The following C7orf78 variants were observed in gnomAD, a reference collection of about 807,000 sequenced individuals.
C7orf78 encodes the protein putative uncharacterized protein C7orf78.
At chr7:12,499,277 G>A in the C7orf78 span, among the ~76,000 whole-genome samples, 10 of 152,172 alleles carry the variant, frequency 6.6e-5, no homozygotes, top group South Asian at 1.9e-3. Context: ...CCAATTAAAA[G>A]ACACAGACTG....
chr7:12,500,718 C>T, the C7orf78 span, among the ~76,000 whole-genome samples: 11 of 151,938 alleles, frequency 7.2e-5, no homozygotes, highest in South Asian at 2.1e-4. Context: ...GAATCCTCCC[C>T]AACTCATTTT....
the C7orf78 span, among the ~76,000 whole-genome samples, chr7:12,486,263 A>G: frequency 6.6e-6 from 1 of 152,086 alleles, no homozygotes; most frequent in Non-Finnish European, 1.5e-5. Context: ...TAGCATTAAA[A>G]TTTGTATGAG....
At chr7:12,524,190 A>T in the C7orf78 span, among the ~76,000 whole-genome samples, 1 of 152,186 alleles carries the variant, frequency 6.6e-6, no homozygotes. Flanking sequence ...TAGACAAGAT[A>T]CTAAGCCTTT....
At chr7:12,529,307 G>T in the C7orf78 span, among the ~76,000 whole-genome samples, 1 of 152,110 alleles carries the variant, frequency 6.6e-6, no homozygotes, top group African/African-American at 2.4e-5. Context: ...TTAAAAGCAT[G>T]GCTTCTGAGA....
chr7:12,523,216 TAAGGAAGAAAA>T, the C7orf78 span: 1 of 394,448 alleles, frequency 2.5e-6, no homozygotes, highest in Non-Finnish European at 4.4e-6. Flanking sequence ...CAAAACCAAT[TAAGGAAGAAAA>T]AAGGAGGAAA....
the C7orf78 span, among the ~76,000 whole-genome samples, chr7:12,497,454 AAG>A: frequency 1.3e-4 from 17 of 127,784 alleles, no homozygotes; most frequent in African/African-American, 5.0e-4. Flanking sequence ...TAATCAAAGA[AAG>A]GGGTGACGGA....
At chr7:12,493,284 A>C in the C7orf78 span, among the ~76,000 whole-genome samples, 3 of 152,248 alleles carry the variant, frequency 2.0e-5, no homozygotes, top group African/African-American at 2.4e-5. Flanking sequence ...ATTGCTATTA[A>C]AGTAGATTAA....
At chr7:12,493,814 G>C in the C7orf78 span, among the ~76,000 whole-genome samples, 1 of 152,158 alleles carries the variant, frequency 6.6e-6, no homozygotes, top group East Asian at 1.9e-4. Context: ...AACAGTGCCT[G>C]GTCCACAGCA....
chr7:12,502,556 T>G, the C7orf78 span, among the ~76,000 whole-genome samples: 1 of 149,728 alleles, frequency 6.7e-6, no homozygotes, highest in Non-Finnish European at 1.5e-5. Context: ...CCAGTTAGAA[T>G]GGCAATCATT....
the C7orf78 span, among the ~76,000 whole-genome samples, chr7:12,522,318 T>C: frequency 2.6e-5 from 4 of 152,112 alleles, no homozygotes; most frequent in Non-Finnish European, 5.9e-5. Flanking sequence ...CAGTAACATA[T>C]TGATAATGTC....
chr7:12,530,737 G>A, the C7orf78 span, among the ~76,000 whole-genome samples: 2 of 152,092 alleles, frequency 1.3e-5, no homozygotes, highest in African/African-American at 2.4e-5. Flanking sequence ...TGGAAATCAC[G>A]AGAAGTTTAG....
At chr7:12,516,335 G>T in the C7orf78 span, among the ~76,000 whole-genome samples, 1 of 152,186 alleles carries the variant, frequency 6.6e-6, no homozygotes, top group African/African-American at 2.4e-5. Context: ...CAAGAACTGG[G>T]GTTTGGGAAC....
chr7:12,488,060 G>T, the C7orf78 span, among the ~76,000 whole-genome samples: 1 of 152,048 alleles, frequency 6.6e-6, no homozygotes, highest in African/African-American at 2.4e-5. Flanking sequence ...CAATTCTCAA[G>T]TATCATGTGA....
chr7:12,525,024 C>CT, the C7orf78 span, among the ~76,000 whole-genome samples: 1 of 152,044 alleles, frequency 6.6e-6, no homozygotes, highest in East Asian at 1.9e-4. Flanking sequence ...TCAGTGAAGG[C>CT]TTTTTGAAAC....
the C7orf78 span, among the ~76,000 whole-genome samples, chr7:12,493,858 A>C: frequency 6.6e-6 from 1 of 152,360 alleles, no homozygotes; most frequent in South Asian, 2.1e-4. Flanking sequence ...GTTCTATGTC[A>C]AGAAAAATGT....
At chr7:12,501,420 A>T in the C7orf78 span, among the ~76,000 whole-genome samples, 1 of 151,896 alleles carries the variant, frequency 6.6e-6, no homozygotes, top group African/African-American at 2.4e-5. Context: ...AATCACAAGC[A>T]TTCCTATACA....
the C7orf78 span, among the ~76,000 whole-genome samples, chr7:12,530,166 C>A: frequency 1.3e-5 from 2 of 152,072 alleles, no homozygotes; most frequent in Non-Finnish European, 2.9e-5. Flanking sequence ...TCTGTTAAGT[C>A]AGCTTGAGTT....
the C7orf78 span, among the ~76,000 whole-genome samples, chr7:12,514,876 G>C: frequency 6.6e-6 from 1 of 151,558 alleles, no homozygotes; most frequent in East Asian, 1.9e-4. Flanking sequence ...CTGTATGAAG[G>C]ATAATTTTCT....
chr7:12,521,493 G>T, the C7orf78 span, among the ~76,000 whole-genome samples: 1 of 151,120 alleles, frequency 6.6e-6, no homozygotes, highest in African/African-American at 2.4e-5. Flanking sequence ...CCTTATTTTG[G>T]TTAATAAACT....
Sources: gnomAD v4.1 joint callset for allele counts (sites outside exome capture counted in the v4.1 genomes callset) on GRCh38, gnomAD v4.1.1 for gene constraint, MANE v1.5 for transcripts, NCBI Gene and HGNC (gene_info 2026-07-23, HGNC 2026-07-21) for gene names.